RBFOX1: variants seen among roughly 807,000 people sequenced by gnomAD.
The protein encoded by RBFOX1 is RNA binding protein fox-1 homolog 1.
A neutral mutation model predicts 57.7 loss-of-function variants in RBFOX1; 8 were observed. That is an observed-to-expected ratio of 0.14 (90% CI 0.08 to 0.25). The LOEUF (loss-of-function observed/expected upper bound fraction) is 0.25. Among genes scored for constraint, RBFOX1 ranks in the 10% least tolerant of loss-of-function variants. The pLI, the probability that RBFOX1 is intolerant of heterozygous loss-of-function variation, is 1.00. For missense variants in RBFOX1, 611 were observed against 548.5 expected (o/e 1.11, Z -1.14); for synonymous variants, 326 against 222.4 (o/e 1.47, Z -4.15).
At chr16:7,416,503 G>A (rs2098479350) in intron 4 of RBFOX1, among the ~76,000 whole-genome samples, 1 of 152,170 alleles carries the variant, frequency 6.6e-6, no homozygotes, top group Non-Finnish European at 1.5e-5. Flanking sequence ...TGCTGGGAGG[G>A]GGGCCTTGTA....
intron 1 of RBFOX1, among the ~76,000 whole-genome samples, chr16:6,303,407 A>T (rs1329939853): frequency 2.0e-5 from 3 of 151,822 alleles, no homozygotes; most frequent in East Asian, 1.9e-4. Context: ...TTCTTTCTCC[A>T]TGTTGAAGTA....
intron 4 of RBFOX1, among the ~76,000 whole-genome samples, chr16:5,959,761 G>A (rs959716427): frequency 6.6e-5 from 10 of 152,110 alleles, no homozygotes; most frequent in African/African-American, 1.2e-4. Context: ...GTAGTGAGCC[G>A]AGATCGCACC....
intron 5 of RBFOX1, among the ~76,000 whole-genome samples, chr16:7,541,625 A>G (rs935922495): frequency 2.6e-5 from 4 of 152,124 alleles, no homozygotes; most frequent in Non-Finnish European, 5.9e-5. Context: ...TTTGTCTTTC[A>G]TCTATTTCTG....
chr16:6,019,712 A>G lies in RBFOX1; in HGVS notation c.-407A>G, dbSNP rs2095030109. On this transcript the variant is annotated 5_prime_UTR_variant, in exon 1 of 16. Transcript: ENST00000550418. This position sits in a 1 kb window ranked among gnomAD's most constrained non-coding sequence, Gnocchi z 4.2. ...AGCTTCTTGCCCAGGCAGAGAGAGC[A>G]GGAGCGGACCGCGCGCCCGGGATTG... The G allele has an allele frequency of 7.3e-7, 1 of 1,367,444 alleles. No homozygotes were observed. Among genetic ancestry groups the G allele is most frequent in the African/African-American group, 1.5e-5 (1 of 66,120 alleles). 84.7% of individuals were successfully genotyped at this position (1,367,444 alleles called of 1,614,324 possible).
chr16:6,272,042 G>A (rs148233364), intron 1 of RBFOX1, among the ~76,000 whole-genome samples: 4 of 152,098 alleles, frequency 2.6e-5, no homozygotes, highest in Admixed American at 2.6e-4. Context: ...ACCATTGACT[G>A]TAACAAAATA....
intron 3 of RBFOX1, among the ~76,000 whole-genome samples, chr16:5,816,290 A>G (rs1285052102): frequency 2.0e-5 from 3 of 152,130 alleles, no homozygotes; most frequent in African/African-American, 4.8e-5. Context: ...TCCCTCATCT[A>G]GGAAGATTCT....
rs1005681384 is a variant in RBFOX1, at chr16:6,903,270, C to T, written c.-15-148787C>T. ...CATTGTAGCTGCCGCCAGGGGAGCT[C>T]ATATGGCCAGGAGGGCTGACCGTTC... On this transcript the variant is annotated intron_variant, in intron 3 of 15. Coordinates refer to ENST00000550418, the MANE Select transcript of RBFOX1 (RefSeq NM_018723.4). Among the ~76,000 whole-genome samples the T allele has an allele frequency of 6.5e-4, 99 of 152,250 alleles. 1 individual carries two copies. Among genetic ancestry groups the T allele is most frequent in the African/African-American group, 2.3e-3 (94 of 41,552 alleles).
intron 2 of RBFOX1, among the ~76,000 whole-genome samples, chr16:6,488,038 T>C (rs1427059141): frequency 6.6e-6 from 1 of 152,056 alleles, no homozygotes; most frequent in East Asian, 1.9e-4. Context: ...CCCAGCACCA[T>C]TTACTCCACG....
At chr16:5,987,234 G>A (rs1047645077) in intron 4 of RBFOX1, among the ~76,000 whole-genome samples, 6 of 151,798 alleles carry the variant, frequency 4.0e-5, no homozygotes, top group Admixed American at 3.9e-4. Flanking sequence ...TTTTTTCTTT[G>A]TTTATTACTG....
chr16:6,900,388 C>G lies in RBFOX1; in HGVS notation c.-15-151669C>G, dbSNP rs186520037. Among the ~76,000 whole-genome samples, 7 of 152,276 alleles carry G rather than the reference C, an allele frequency of 4.6e-5. No homozygotes were observed. In the East Asian group the frequency reaches 9.7e-4, roughly 21 times the overall value. On this transcript the variant is annotated intron_variant, in intron 3 of 15. Transcript: ENST00000550418. ...CTGTAACCTCTATCCATGCTCCCATCAAGGAAAAAGATTTTGAAACATCTA... is the reference window on the plus strand; with the variant it reads ...CTGTAACCTCTATCCATGCTCCCATGAAGGAAAAAGATTTTGAAACATCTA...
At chr16:7,443,184 G>A (rs750409359) in intron 4 of RBFOX1, among the ~76,000 whole-genome samples, 4 of 152,096 alleles carry the variant, frequency 2.6e-5, no homozygotes, top group Non-Finnish European at 4.4e-5. Flanking sequence ...GCGTGGTACA[G>A]GAGATTTCAT....
In RBFOX1 at chr16:7,504,736, T is replaced by TTTAC; in HGVS notation, c.28-13411_28-13410insTTAC. Among the ~76,000 whole-genome samples the TTTAC allele has an allele frequency of 2.0e-4, 2 of 10,114 alleles. 1 individual carries two copies. Among genetic ancestry groups the TTTAC allele is most frequent in the Non-Finnish European group, 4.8e-4 (2 of 4,204 alleles). 6.6% of individuals were successfully genotyped at this position (10,114 alleles called of 152,430 possible). ...ATATATATATATATATATATATATA[T>TTTAC]ATATATATATATATATATTTATATA... On this transcript the variant is annotated intron_variant, in intron 4 of 15. Coordinates refer to ENST00000550418, the MANE Select transcript of RBFOX1 (RefSeq NM_018723.4).
At chr16:7,363,481 T>A (rs1407985920) in intron 4 of RBFOX1, among the ~76,000 whole-genome samples, 1 of 144,424 alleles carries the variant, frequency 6.9e-6, no homozygotes, top group Non-Finnish European at 1.5e-5. Context: ...AGGTCACCCC[T>A]GGAGCTAATA....
intron 1 of RBFOX1, among the ~76,000 whole-genome samples, chr16:5,441,643 G>T (rs935429060): frequency 1.3e-5 from 2 of 152,174 alleles, no homozygotes; most frequent in African/African-American, 2.4e-5. Flanking sequence ...GGGATTATGG[G>T]TGTGAGCCAC....
intron 4 of RBFOX1, among the ~76,000 whole-genome samples, chr16:7,227,504 A>C (rs980319164): frequency 1.3e-5 from 2 of 152,148 alleles, no homozygotes; most frequent in South Asian, 2.1e-4. Context: ...GTCTCTACTG[A>C]AGTGGTACTT....
intron 3 of RBFOX1, among the ~76,000 whole-genome samples, chr16:6,883,491 G>T (rs757682003): frequency 6.6e-6 from 1 of 152,156 alleles, no homozygotes; most frequent in African/African-American, 2.4e-5. Flanking sequence ...ACACCCATCT[G>T]CAAGAATATT....
intron 4 of RBFOX1, among the ~76,000 whole-genome samples, chr16:7,341,617 C>A (rs1332135805): frequency 6.6e-6 from 1 of 152,148 alleles, no homozygotes. Context: ...TATGCACAGT[C>A]CAAAGAAGAT....
intron 5 of RBFOX1, among the ~76,000 whole-genome samples, chr16:7,572,233 C>A (rs957341924): frequency 6.6e-6 from 1 of 152,186 alleles, no homozygotes. Flanking sequence ...TGTAATTTCA[C>A]TCTAAAGCAT....
chr16:5,895,709 C>G (rs1020583274), intron 4 of RBFOX1, among the ~76,000 whole-genome samples: 2 of 152,162 alleles, frequency 1.3e-5, no homozygotes, highest in African/African-American at 4.8e-5. Context: ...AACATAGGAT[C>G]TAAGGGGCAT....
Sources: gnomAD v4.1 joint callset for allele counts (sites outside exome capture counted in the v4.1 genomes callset) on GRCh38, gnomAD v4.1.1 for gene constraint, Gnocchi (gnomAD v3.1) non-coding constraint, MANE v1.5 for transcripts, NCBI Gene and HGNC (gene_info 2026-07-23, HGNC 2026-07-21) for gene names.